The following RNF220 variants were observed in gnomAD, a reference collection of about 807,000 sequenced individuals.
The protein encoded by RNF220 is ring finger protein 220.
A neutral mutation model predicts 67.1 loss-of-function variants in RNF220; 7 were observed. The observed-to-expected ratio is 0.10, with a 90% CI of 0.06 to 0.20. RNF220 has a LOEUF of 0.20. RNF220 is among the 10% of genes least tolerant of loss of function. The probability of loss-of-function intolerance (pLI) is 1.00; values close to 1 mark genes in which losing one functional copy is unlikely to be tolerated. For missense variants in RNF220, 565 were observed against 740.3 expected, an observed-to-expected ratio of 0.76 and a Z score of 2.75; for synonymous variants, 270 against 283.2, an observed-to-expected ratio of 0.95 and a Z score of 0.47.
At chr1:44,427,905 C>T (rs1304910564) in intron 2 of RNF220, among the ~76,000 whole-genome samples, 2 of 152,150 alleles carry the variant, frequency 1.3e-5, no homozygotes, top group Non-Finnish European at 2.9e-5. Context: ...AAACCAGGCT[C>T]CTCCAACTCT....
intron 1 of RNF220, among the ~76,000 whole-genome samples, chr1:44,407,596 A>ACAGGGC (rs1647483958): frequency 6.6e-6 from 1 of 152,000 alleles, no homozygotes; most frequent in African/African-American, 2.4e-5. Flanking sequence ...CTGGTGGCCG[A>ACAGGGC]CAGGGCCGGG....
chr1:44,632,569 G>A, intron 6 of RNF220, 184 bp downstream of exon 6: 1 of 650,586 alleles, frequency 1.5e-6, no homozygotes, highest in Non-Finnish European at 2.7e-6. Context: ...TCTGTCTAAT[G>A]GAGGTATGGC....
At chr1:44,559,825 C>G (rs1227036399) in intron 2 of RNF220, among the ~76,000 whole-genome samples, 2 of 152,276 alleles carry the variant, frequency 1.3e-5, no homozygotes, top group South Asian at 2.1e-4. Context: ...ATGTCACTGT[C>G]TTTGTCCCAG....
At chr1:44,406,626 C>CCTT (rs1430121945) in intron 1 of RNF220, among the ~76,000 whole-genome samples, 1 of 152,254 alleles carries the variant, frequency 6.6e-6, no homozygotes, top group Admixed American at 6.5e-5. Flanking sequence ...GGCCGAGCGA[C>CCTT]CTTCTCTGCC....
intron 2 of RNF220, among the ~76,000 whole-genome samples, chr1:44,443,124 T>C (rs974300820): frequency 5.3e-5 from 8 of 152,236 alleles, no homozygotes; most frequent in Non-Finnish European, 8.8e-5. Context: ...CTCATGTGTA[T>C]CTGGCTGCCT....
chr1:44,540,070 T>C (rs1661556186), intron 2 of RNF220, among the ~76,000 whole-genome samples: 1 of 152,170 alleles, frequency 6.6e-6, no homozygotes, highest in African/African-American at 2.4e-5. Context: ...AATCCATCAT[T>C]TAAAGGCATT....
At chr1:44,632,200 AG>A in intron 5 of RNF220, 142 bp from the exon 6 acceptor site, 1 of 1,595,172 alleles carries the variant, frequency 6.3e-7, no homozygotes, top group Non-Finnish European at 8.5e-7. Flanking sequence ...GGCCGGCGGG[AG>A]GGAGGAAGTA....
rs534233202 is a variant in RNF220 at position 44,515,096 on chromosome 1, A to G, written c.626-99069A>G. 2.0e-5 allele frequency among the ~76,000 whole-genome samples: 3 copies of G among 152,310 alleles called. No homozygotes were observed. In the South Asian group the frequency reaches 6.2e-4, roughly 32 times the overall value. Reference sequence around the variant, plus strand: ...GGCAAGTCCAGGAGGCTGGTGTTGAATGGAAATGTATAGCTATCAGCAGCA... The same window carrying G: ...GGCAAGTCCAGGAGGCTGGTGTTGAGTGGAAATGTATAGCTATCAGCAGCA... On this transcript the variant is annotated intron_variant, in intron 2 of 14. Coordinates refer to ENST00000361799, the MANE Select transcript of RNF220 (RefSeq NM_018150.4).
chr1:44,649,475 TAG>T lies in RNF220; in HGVS notation c.1446-181_1446-180del, dbSNP rs1644733137. 1.6e-6 allele frequency: 1 copy of T among 610,294 alleles called. No homozygotes were observed. Among genetic ancestry groups the T allele is most frequent in the African/African-American group, 1.8e-5 (1 of 54,154 alleles). The allele number at this position is 610,294 out of a possible 1,614,324, so 37.8% of individuals were successfully genotyped here. A position where few individuals can be genotyped will look rare whatever the true frequency, so the allele number is the denominator to read the frequency against. On this transcript the variant is annotated intron_variant, in intron 12 of 14. Coordinates refer to ENST00000361799, the MANE Select transcript of RNF220 (RefSeq NM_018150.4). The surrounding 1 kb of genome is among the most constrained non-coding windows in gnomAD (Gnocchi z 5.9). ...ATTCATCCGAATGGGAATGGAGGAATAGAGAGGGTGAGGAGTTTAGTTCTGGA... is the reference window on the plus strand; with the variant it reads ...ATTCATCCGAATGGGAATGGAGGAATAGAGGGTGAGGAGTTTAGTTCTGGA...
In RNF220 at chr1:44,551,918, C is replaced by G. The variant is rs150123091; in HGVS notation, c.626-62247C>G. The stretch of plus-strand genomic sequence containing the variant: ...TCTAGTCTCCTCCTAACACATACCT[C>G]CATTTTTACCTCCTTATGGGGCATG... On this transcript the variant is annotated intron_variant, in intron 2 of 14. Coordinates refer to ENST00000361799, the MANE Select transcript of RNF220 (RefSeq NM_018150.4). 5.8e-4 allele frequency among the ~76,000 whole-genome samples: 88 copies of G among 152,310 alleles called. 1 individual carries two copies. The highest frequency in any genetic ancestry group is 2.0e-3 in the African/African-American group (84 of 41,562).
At chr1:44,579,131 G>A (rs1305332785) in intron 2 of RNF220, among the ~76,000 whole-genome samples, 1 of 151,748 alleles carries the variant, frequency 6.6e-6, no homozygotes, top group Non-Finnish European at 1.5e-5. Context: ...ACTCCAGTCT[G>A]GGTGACAGAT....
chr1:44,516,799 CT>C (rs1408349139), intron 2 of RNF220, among the ~76,000 whole-genome samples: 1 of 152,104 alleles, frequency 6.6e-6, no homozygotes, highest in African/African-American at 2.4e-5. Flanking sequence ...CTAACTTCAC[CT>C]TTTTGTCCTC....
At chr1:44,420,371 A>G (rs984129201) in intron 2 of RNF220, among the ~76,000 whole-genome samples, 1 of 152,242 alleles carries the variant, frequency 6.6e-6, no homozygotes, top group Admixed American at 6.5e-5. Context: ...TTATGGCTTT[A>G]CATCAATCTT....
chr1:44,589,391 G>T (rs1665944093), intron 2 of RNF220, among the ~76,000 whole-genome samples: 1 of 152,146 alleles, frequency 6.6e-6, no homozygotes. Flanking sequence ...GAGGTGGGCG[G>T]ATCATGAGGT....
At chr1:44,463,711 A>C (rs2147968850) in intron 2 of RNF220, among the ~76,000 whole-genome samples, 1 of 152,258 alleles carries the variant, frequency 6.6e-6, no homozygotes, top group Non-Finnish European at 1.5e-5. Context: ...TTCCATGTAG[A>C]CATTTTAGAT....
At chr1:44,427,473 A>T (rs1282375046) in intron 2 of RNF220, among the ~76,000 whole-genome samples, 2 of 152,302 alleles carry the variant, frequency 1.3e-5, no homozygotes, top group Admixed American at 1.3e-4. Context: ...CTGCACTGTG[A>T]GTTCCTTGAG....
At chr1:44,582,771 AAAG>A (rs1168591563) in intron 2 of RNF220, among the ~76,000 whole-genome samples, 1 of 145,250 alleles carries the variant, frequency 6.9e-6, no homozygotes, top group Non-Finnish European at 1.5e-5. Flanking sequence ...AAAAAAAAAA[AAAG>A]GCACTTTGGG....
intron 2 of RNF220, among the ~76,000 whole-genome samples, chr1:44,480,136 T>C (rs1247345472): frequency 6.6e-6 from 1 of 152,216 alleles, no homozygotes; most frequent in Non-Finnish European, 1.5e-5. Flanking sequence ...CAGGGCACAG[T>C]GGCTCACATC....
chr1:44,623,507 G>T (rs1557448852), intron 4 of RNF220, among the ~76,000 whole-genome samples: 3 of 152,226 alleles, frequency 2.0e-5, no homozygotes, highest in Admixed American at 2.0e-4. Context: ...GATACATGGG[G>T]AGAACCAAAC....
Sources: gnomAD v4.1 joint callset for allele counts (sites outside exome capture counted in the v4.1 genomes callset) on GRCh38, gnomAD v4.1.1 for gene constraint, Gnocchi (gnomAD v3.1) non-coding constraint, MANE v1.5 for transcripts, NCBI Gene and HGNC (gene_info 2026-07-23, HGNC 2026-07-21) for gene names.